Variants in NALF1 observed in about 807,000 individuals in gnomAD.
NALF1 encodes NALCN channel auxiliary factor 1.
Under a neutral mutation model 48.4 loss-of-function variants are expected in NALF1, and 3 were observed. That is an observed-to-expected ratio of 0.06 (90% CI 0.03 to 0.16). NALF1 has a LOEUF of 0.16. NALF1 is among the 10% of genes least tolerant of loss of function. The probability of loss-of-function intolerance (pLI) is 1.00; values close to 1 mark genes in which losing one functional copy is unlikely to be tolerated. For synonymous variants in NALF1, 262 were observed against 245.7 expected (o/e 1.07, Z -0.62); for missense variants, 526 against 571.5 (o/e 0.92, Z 0.81).
rs372783331 is a variant in NALF1 at position 107,464,852 on chromosome 13, T to C, written c.916-254097A>G. 1.3e-3 allele frequency among the ~76,000 whole-genome samples: 199 copies of C among 152,300 alleles called. 1 individual carries two copies. Among genetic ancestry groups the C allele is most frequent in the African/African-American group, 4.5e-3 (189 of 41,566 alleles). ...AAATTTTTAGACCATTTTGTTGAGG[T>C]ATGCTCAACATACAAAAAGCAGTAT... On this transcript the variant is annotated intron_variant, in intron 1 of 2. Coordinates refer to ENST00000375915, the MANE Select transcript of NALF1 (RefSeq NM_001080396.3).
At chr13:107,476,690 G>A (rs1414617481) in intron 1 of NALF1, among the ~76,000 whole-genome samples, 2 of 151,832 alleles carry the variant, frequency 1.3e-5, no homozygotes, top group Non-Finnish European at 2.9e-5. Context: ...CTTGCAACAC[G>A]TGGAGCTGCA....
At chr13:107,638,734 C>CAGCT (rs1159143080) in intron 1 of NALF1, among the ~76,000 whole-genome samples, 1 of 152,112 alleles carries the variant, frequency 6.6e-6, no homozygotes, top group African/African-American at 2.4e-5. Flanking sequence ...ATTCAGAAGA[C>CAGCT]AGCTATCTGA....
chr13:107,619,190 T>C (rs970834574), intron 1 of NALF1, among the ~76,000 whole-genome samples: 1 of 152,238 alleles, frequency 6.6e-6, no homozygotes, highest in Non-Finnish European at 1.5e-5. Context: ...ATGTCTAGAA[T>C]ATCACCAATG....
intron 2 of NALF1, among the ~76,000 whole-genome samples, chr13:107,185,709 A>G (rs570970242): frequency 5.3e-5 from 8 of 152,222 alleles, no homozygotes; most frequent in Non-Finnish European, 1.2e-4. Context: ...ATATTTATTT[A>G]TTTTTTTAAA....
intron 1 of NALF1, among the ~76,000 whole-genome samples, chr13:107,648,354 C>T (rs1403339151): frequency 6.6e-6 from 1 of 152,150 alleles, no homozygotes; most frequent in Admixed American, 6.5e-5. Flanking sequence ...CTTCTCCCTC[C>T]AAATCCACGA....
chr13:107,816,024 T>C lies in NALF1; in HGVS notation c.915+49658A>G, dbSNP rs144306258. 1.2e-3 allele frequency among the ~76,000 whole-genome samples: 179 copies of C among 152,260 alleles called. 3 individuals carry two copies. The highest frequency in any genetic ancestry group is 9.4e-3 in the Admixed American group (144 of 15,290). ...GCTGCTAATAGATATCAGGCTTTCTTACGGACAGAGAAAAATGTTCCAAAA... is the reference window on the plus strand; with the variant it reads ...GCTGCTAATAGATATCAGGCTTTCTCACGGACAGAGAAAAATGTTCCAAAA... On this transcript the variant is annotated intron_variant, in intron 1 of 2. Coordinates refer to ENST00000375915, the MANE Select transcript of NALF1 (RefSeq NM_001080396.3).
intron 1 of NALF1, among the ~76,000 whole-genome samples, chr13:107,410,606 C>T (rs1165791760): frequency 1.3e-5 from 2 of 152,132 alleles, no homozygotes; most frequent in Admixed American, 6.6e-5. Context: ...GCTGTTAAAA[C>T]TCTTGAAAAT....
chr13:107,332,738 A>G (rs766104987), intron 1 of NALF1, among the ~76,000 whole-genome samples: 1 of 152,258 alleles, frequency 6.6e-6, no homozygotes, highest in Non-Finnish European at 1.5e-5. Flanking sequence ...AGTAGTGGAT[A>G]TAGAGCCATT....
intron 1 of NALF1, among the ~76,000 whole-genome samples, chr13:107,240,783 A>AAAC (rs1402126671): frequency 6.6e-6 from 1 of 152,074 alleles, no homozygotes; most frequent in Admixed American, 6.6e-5. Flanking sequence ...TTCAAAGAGG[A>AAAC]AACTGTCAAA....
In NALF1 at chr13:107,216,290, G is replaced by C. The variant is rs548255084; in HGVS notation, c.916-5535C>G. On this transcript the variant is annotated intron_variant, in intron 1 of 2. Transcript: ENST00000375915. ...CGCATGTTGCTACAGTTTTAAGTGA[G>C]GGTGAAACTCAAAATAAATTTTCAC... 2.0e-5 allele frequency among the ~76,000 whole-genome samples: 3 copies of C among 152,350 alleles called. No homozygotes were observed. In the South Asian group the frequency reaches 6.2e-4, roughly 32 times the overall value.
chr13:107,630,936 T>C (rs1300693506), intron 1 of NALF1, among the ~76,000 whole-genome samples: 2 of 152,162 alleles, frequency 1.3e-5, no homozygotes, highest in Non-Finnish European at 2.9e-5. Flanking sequence ...GTAAATATAG[T>C]AGTCTTTTGG....
intron 1 of NALF1, among the ~76,000 whole-genome samples, chr13:107,554,631 C>T (rs1877401574): frequency 6.6e-6 from 1 of 152,146 alleles, no homozygotes; most frequent in Non-Finnish European, 1.5e-5. Flanking sequence ...AGGCCCTGGC[C>T]CCCATCAGAT....
At chr13:107,759,681 C>G (rs964847380) in intron 1 of NALF1, among the ~76,000 whole-genome samples, 9 of 152,164 alleles carry the variant, frequency 5.9e-5, no homozygotes, top group African/African-American at 2.2e-4. Context: ...CCTTACCTTA[C>G]TGTGTTCTTA....
At chr13:107,614,351 T>C (rs951986073) in intron 1 of NALF1, among the ~76,000 whole-genome samples, 1 of 152,214 alleles carries the variant, frequency 6.6e-6, no homozygotes, top group Non-Finnish European at 1.5e-5. Flanking sequence ...GGCCAGGTGT[T>C]GTCTGCATCT....
At chr13:107,233,167 G>A (rs574909574) in intron 1 of NALF1, among the ~76,000 whole-genome samples, 88 of 152,276 alleles carry the variant, frequency 5.8e-4, no homozygotes, top group Admixed American at 1.3e-3. Flanking sequence ...CTTTAATTAT[G>A]TATTTTGAAA....
rs966196308 is a variant in NALF1, at chr13:107,194,252, G to C, written c.1087+16332C>G. Among the ~76,000 whole-genome samples, 17 of 152,170 alleles carry C rather than the reference G, an allele frequency of 1.1e-4. No homozygotes were observed. The South Asian group carries it at 1.7e-3, about 15-fold the overall frequency. On this transcript the variant is annotated intron_variant, in intron 2 of 2. Coordinates refer to ENST00000375915, the MANE Select transcript of NALF1 (RefSeq NM_001080396.3). ...AAGATGTAATGAGATCATTCATCTT[G>C]AGCGCTTGGCTGATTGTCTTATACA...
At chr13:107,300,649 T>C (rs921023299) in intron 1 of NALF1, among the ~76,000 whole-genome samples, 2 of 152,208 alleles carry the variant, frequency 1.3e-5, no homozygotes, top group African/African-American at 4.8e-5. Context: ...TTCATTCTAT[T>C]TGAACATTTT....
At chr13:107,492,763 T>C (rs902413733) in intron 1 of NALF1, among the ~76,000 whole-genome samples, 11 of 152,286 alleles carry the variant, frequency 7.2e-5, no homozygotes, top group Admixed American at 2.0e-4. Flanking sequence ...CTGTACATCA[T>C]GGATAGGCAA....
chr13:107,509,507 C>T (rs947045932), intron 1 of NALF1, among the ~76,000 whole-genome samples: 22 of 152,158 alleles, frequency 1.4e-4, no homozygotes, highest in Non-Finnish European at 5.9e-5. Context: ...CAGTCTTCAA[C>T]GACCAAACAC....
Sources: gnomAD v4.1 joint callset for allele counts (sites outside exome capture counted in the v4.1 genomes callset) on GRCh38, gnomAD v4.1.1 for gene constraint, MANE v1.5 for transcripts, NCBI Gene and HGNC (gene_info 2026-07-23, HGNC 2026-07-21) for gene names.